Variants in MARCHF3 observed in about 807,000 individuals in gnomAD.
MARCHF3 encodes the protein membrane associated ring-CH-type finger 3.
A neutral mutation model predicts 24.2 loss-of-function variants in MARCHF3; 13 were observed. The observed-to-expected ratio is 0.54, with a 90% confidence interval of 0.35 to 0.85. The LOEUF is 0.85. Among genes scored for constraint, MARCHF3 ranks in the 40% least tolerant of loss-of-function variants. The pLI, the probability that MARCHF3 is intolerant of heterozygous loss-of-function variation, is 0.01. For missense variants in MARCHF3, 276 were observed against 325.0 expected (o/e 0.85, Z 1.16); for synonymous variants, 144 against 137.3 (o/e 1.05, Z -0.34).
chr5:126,913,744 G>A (rs1349768590), intron 3 of MARCHF3, among the ~76,000 whole-genome samples: 1 of 152,198 alleles, frequency 6.6e-6, no homozygotes, highest in East Asian at 1.9e-4. Context: ...TGTATACACA[G>A]AGCTACAAAG....
intron 3 of MARCHF3, among the ~76,000 whole-genome samples, chr5:126,906,278 T>C (rs1754293053): frequency 1.3e-5 from 2 of 152,052 alleles, no homozygotes; most frequent in African/African-American, 4.8e-5. Context: ...TAAAATTCTC[T>C]TTTTTGGTTG....
At chr5:126,983,565 C>T (rs904470955) in intron 1 of MARCHF3, among the ~76,000 whole-genome samples, 2 of 152,172 alleles carry the variant, frequency 1.3e-5, no homozygotes, top group African/African-American at 4.8e-5. Context: ...GAATGCAGAC[C>T]TCATGAAGAG....
chr5:126,992,108 C>T (rs1751784152), intron 1 of MARCHF3, among the ~76,000 whole-genome samples: 1 of 151,742 alleles, frequency 6.6e-6, no homozygotes, highest in African/African-American at 2.4e-5. Flanking sequence ...TCAGTACAAT[C>T]AAAACCTGTG....
intron 1 of MARCHF3, among the ~76,000 whole-genome samples, chr5:126,971,773 A>G (rs1313603280): frequency 1.3e-5 from 2 of 152,226 alleles, no homozygotes; most frequent in Non-Finnish European, 2.9e-5. Flanking sequence ...ACAATTAGTC[A>G]CTAGGCTTCT....
chr5:126,902,833 C>T (rs1181618169), intron 3 of MARCHF3, among the ~76,000 whole-genome samples: 2 of 152,082 alleles, frequency 1.3e-5, no homozygotes, highest in Non-Finnish European at 2.9e-5. Context: ...GTGTGGTCAT[C>T]AGACAATGTC....
At chr5:127,006,350 G>T (rs1009360549) in intron 1 of MARCHF3, among the ~76,000 whole-genome samples, 4 of 151,936 alleles carry the variant, frequency 2.6e-5, no homozygotes, top group East Asian at 1.9e-4. Context: ...TTTGTGATAT[G>T]TTAATTTTGA....
chr5:126,951,424 C>G (rs188766576), intron 1 of MARCHF3, among the ~76,000 whole-genome samples: 4 of 152,320 alleles, frequency 2.6e-5, no homozygotes, highest in African/African-American at 9.6e-5. Context: ...GTATGTCCAA[C>G]TGTCTATTTA....
At chr5:126,912,644 C>T (rs1452747732) in intron 3 of MARCHF3, among the ~76,000 whole-genome samples, 1 of 152,186 alleles carries the variant, frequency 6.6e-6, no homozygotes, top group African/African-American at 2.4e-5. Context: ...TAGGAATAAA[C>T]TGCCCTCTGA....
At chr5:126,992,161 T>C (rs1751786425) in intron 1 of MARCHF3, among the ~76,000 whole-genome samples, 1 of 152,228 alleles carries the variant, frequency 6.6e-6, no homozygotes, top group South Asian at 2.1e-4. Context: ...CACATTCTGT[T>C]AGCTTAGCTC....
At chr5:126,909,742 TC>T (rs1055933608) in intron 3 of MARCHF3, among the ~76,000 whole-genome samples, 3 of 152,138 alleles carry the variant, frequency 2.0e-5, no homozygotes, top group Admixed American at 6.5e-5. Context: ...ACCTGGTACC[TC>T]AGATGGAAAT....
intron 2 of MARCHF3, 73 bp from the exon 3 acceptor site, chr5:126,915,207 T>G: frequency 2.0e-6 from 3 of 1,481,846 alleles, no homozygotes; most frequent in Non-Finnish European, 9.2e-7. Context: ...CCTCTAGCTC[T>G]TGTCCTTTGG....
intron 1 of MARCHF3, among the ~76,000 whole-genome samples, chr5:127,010,922 G>C (rs1752450831): frequency 6.6e-6 from 1 of 152,108 alleles, no homozygotes; most frequent in Admixed American, 6.6e-5. Flanking sequence ...AAGATGAAAA[G>C]AGTTCTGTAG....
chr5:126,997,078 T>TA (rs1429841993), intron 1 of MARCHF3, among the ~76,000 whole-genome samples: 1 of 152,212 alleles, frequency 6.6e-6, no homozygotes, highest in African/African-American at 2.4e-5. Context: ...AAAGAATACT[T>TA]ACAGTACTTC....
At chr5:126,902,627 G>A (rs1057151092) in intron 3 of MARCHF3, among the ~76,000 whole-genome samples, 6 of 152,096 alleles carry the variant, frequency 3.9e-5, no homozygotes, top group Non-Finnish European at 5.9e-5. Context: ...CATCTGGCAC[G>A]GTCATGTGAA....
intron 1 of MARCHF3, among the ~76,000 whole-genome samples, chr5:126,921,133 T>A (rs377692134): frequency 4.0e-5 from 6 of 151,852 alleles, no homozygotes; most frequent in Admixed American, 3.9e-4. Context: ...CATACCAGCA[T>A]GTCTTACGTA....
chr5:126,989,260 C>G, intron 1 of MARCHF3, among the ~76,000 whole-genome samples: 1 of 151,716 alleles, frequency 6.6e-6, no homozygotes, highest in East Asian at 1.9e-4. Flanking sequence ...GCCTGGGTGA[C>G]AGAGAGAGAC....
Position 126,969,506 on chromosome 5 carries a change from A to G in MARCHF3, c.-56-51279T>C, listed in dbSNP as rs534988065. 4.6e-5 allele frequency among the ~76,000 whole-genome samples: 7 copies of G among 152,342 alleles called. No homozygotes were observed. In the South Asian group the frequency reaches 1.4e-3, roughly 32 times the overall value. On this transcript the variant is annotated intron_variant, in intron 1 of 4. Transcript: ENST00000308660. ...AGACTGTTATTTTAAGACATTTTCT[A>G]TGTATAGAGCCCCACAGTTCTAACA...
At chr5:127,027,226 T>A (rs1259259392) in intron 1 of MARCHF3, among the ~76,000 whole-genome samples, 1 of 152,182 alleles carries the variant, frequency 6.6e-6, no homozygotes, top group Non-Finnish European at 1.5e-5. Flanking sequence ...ACCCAATTAA[T>A]TGGGCAGCTC....
At chr5:126,941,727 C>G (rs1329529495) in intron 1 of MARCHF3, among the ~76,000 whole-genome samples, 1 of 152,224 alleles carries the variant, frequency 6.6e-6, no homozygotes, top group East Asian at 1.9e-4. Context: ...ATGAAAGCAT[C>G]TGGAGGCCTT....
Sources: gnomAD v4.1 joint callset for allele counts (sites outside exome capture counted in the v4.1 genomes callset) on GRCh38, gnomAD v4.1.1 for gene constraint, MANE v1.5 for transcripts, NCBI Gene and HGNC (gene_info 2026-07-23, HGNC 2026-07-21) for gene names.